The following HACE1 variants were observed in gnomAD, a reference collection of about 807,000 sequenced individuals.
The protein encoded by HACE1 is HECT domain and ankyrin repeat containing E3 ubiquitin protein ligase 1, also known as E3 ubiquitin-protein ligase HACE1.
HACE1 carries 73 observed loss-of-function variants against 118.4 expected under a neutral mutation model. The ratio of observed to expected loss-of-function variants is 0.62; its 90% CI spans 0.51 to 0.75. HACE1 has a LOEUF of 0.75. Among genes scored for constraint, HACE1 ranks in the 30% least tolerant of loss-of-function variants. The probability of loss-of-function intolerance (pLI) is 0.00; values close to 1 mark genes in which losing one functional copy is unlikely to be tolerated. For synonymous variants in HACE1, 368 were observed against 374.8 expected, an observed-to-expected ratio of 0.98 and a Z score of 0.21; for missense variants, 749 against 1,102.2, an observed-to-expected ratio of 0.68 and a Z score of 4.54.
At chr6:104,844,654 A>C in intron 4 of HACE1, among the ~76,000 whole-genome samples, 1 of 132,550 alleles carries the variant, frequency 7.5e-6, no homozygotes. Flanking sequence ...CCCAGCCTCC[A>C]TCACAACCTT....
intron 19 of HACE1, among the ~76,000 whole-genome samples, chr6:104,763,559 A>G (rs1425716992): frequency 1.3e-5 from 2 of 151,624 alleles, no homozygotes; most frequent in Non-Finnish European, 2.9e-5. Flanking sequence ...ATAAGCAACC[A>G]TTTTCTTACA....
intron 5 of HACE1, among the ~76,000 whole-genome samples, chr6:104,833,580 A>G (rs1353529817): frequency 2.6e-5 from 4 of 152,182 alleles, no homozygotes; most frequent in African/African-American, 9.6e-5. Flanking sequence ...GTGGTGACTC[A>G]CGTTTGTAAT....
intron 7 of HACE1, among the ~76,000 whole-genome samples, chr6:104,799,961 G>C (rs986238675): frequency 1.2e-4 from 18 of 152,014 alleles, no homozygotes; most frequent in Non-Finnish European, 2.4e-4. Flanking sequence ...TCCTAGCCAA[G>C]GGAAGCCGTG....
At chr6:104,731,255 T>C (rs560931948) in intron 22 of HACE1, 2 of 152,170 alleles carry the variant, frequency 1.3e-5, no homozygotes, top group South Asian at 2.1e-4. Context: ...TTGGATAAAT[T>C]AGAAAAATGA....
intron 2 of HACE1, among the ~76,000 whole-genome samples, chr6:104,852,013 T>C (rs1776256005): frequency 6.6e-6 from 1 of 152,206 alleles, no homozygotes. Flanking sequence ...AAAGAAATCA[T>C]GACAATGTAT....
At chr6:104,736,002 A>G (rs897718429) in intron 22 of HACE1, among the ~76,000 whole-genome samples, 3 of 151,950 alleles carry the variant, frequency 2.0e-5, no homozygotes, top group Non-Finnish European at 4.4e-5. Context: ...TAAAAATTGT[A>G]TATGTGTTAA....
chr6:104,785,411 A>C (rs1311259148), intron 11 of HACE1, 92 bp from the exon 12 acceptor site: 2 of 760,904 alleles, frequency 2.6e-6, no homozygotes, highest in Admixed American at 4.7e-5. Flanking sequence ...ATATTATAGA[A>C]GAGAAAATTT....
rs1345471432 is a variant in HACE1, at chr6:104,750,475, GT to G, written c.2212-4del. ...GTAACAAGCTGGACGTACTCCGCCT[GT>G]TGAAAAAGAAGTTTTCATGATGACT... On this transcript the variant is annotated splice_polypyrimidine_tract_variant and splice_region_variant and intron_variant, in intron 19 of 23. Transcript: ENST00000262903. 1 of 1,612,968 alleles carries G rather than the reference GT, an allele frequency of 6.2e-7. No homozygotes were observed. Among genetic ancestry groups the G allele is most frequent in the Admixed American group, 1.7e-5 (1 of 59,964 alleles).
At chr6:104,757,813 A>G (rs1778891631) in intron 19 of HACE1, among the ~76,000 whole-genome samples, 1 of 152,178 alleles carries the variant, frequency 6.6e-6, no homozygotes, top group Non-Finnish European at 1.5e-5. Context: ...AGGTTAAACG[A>G]ATGGCTAACT....
intron 11 of HACE1, among the ~76,000 whole-genome samples, chr6:104,790,138 T>A (rs1460277261): frequency 6.6e-6 from 1 of 151,774 alleles, no homozygotes; most frequent in Non-Finnish European, 1.5e-5. Flanking sequence ...GGCTAAAAAC[T>A]GTCCTTCCTA....
chr6:104,822,384 GAA>G (rs751726472), intron 6 of HACE1, among the ~76,000 whole-genome samples: 5 of 91,498 alleles, frequency 5.5e-5, no homozygotes, highest in Admixed American at 1.2e-4. Context: ...CTCCATCTCA[GAA>G]AAAAAAAAAA....
chr6:104,756,664 G>A (rs887018490), intron 19 of HACE1, among the ~76,000 whole-genome samples: 4 of 152,040 alleles, frequency 2.6e-5, no homozygotes, highest in African/African-American at 9.7e-5. Flanking sequence ...TTCCAACTGA[G>A]GTGACTGGTT....
intron 22 of HACE1, among the ~76,000 whole-genome samples, chr6:104,737,636 C>T (rs1410245068): frequency 5.3e-5 from 8 of 152,322 alleles, no homozygotes; most frequent in East Asian, 1.9e-4. Context: ...TAAAAAACGG[C>T]GCACCACGAG....
chr6:104,773,943 CAAT>C (rs1467067395), intron 17 of HACE1, among the ~76,000 whole-genome samples: 19 of 151,804 alleles, frequency 1.3e-4, no homozygotes, highest in Non-Finnish European at 2.5e-4. Flanking sequence ...TCCTAGTATA[CAAT>C]AATATCATTT....
At chr6:104,735,974 TAAC>T (rs1225740155) in intron 22 of HACE1, among the ~76,000 whole-genome samples, 3 of 151,888 alleles carry the variant, frequency 2.0e-5, no homozygotes, top group African/African-American at 7.2e-5. Flanking sequence ...AGTTATAAAA[TAAC>T]AATAGTTTTA....
chr6:104,826,238 C>T (rs988377052), intron 6 of HACE1, among the ~76,000 whole-genome samples: 24 of 152,114 alleles, frequency 1.6e-4, no homozygotes, highest in African/African-American at 5.1e-4. Context: ...AGGTTAGAGA[C>T]CACTGCTCTA....
chr6:104,772,934 C>T (rs1174139699), intron 17 of HACE1, among the ~76,000 whole-genome samples: 5 of 151,444 alleles, frequency 3.3e-5, no homozygotes, highest in East Asian at 3.9e-4. Flanking sequence ...AGATAGTGGC[C>T]GATGGTTGCA....
In HACE1 at chr6:104,784,471, C is replaced by T. The variant is rs772414060; in HGVS notation, c.1424G>A (p.Arg475His). The T allele has an allele frequency of 3.8e-5, 61 of 1,610,960 alleles. No individual in the cohort carries two copies. The East Asian group carries it at 5.8e-4, about 15-fold the overall frequency. The change falls in exon 13 of 24, where the codon CGT becomes CAT. Residue 475 changes from arginine to histidine, a missense_variant. Physicochemically the swap from Arg to His is conservative, Grantham distance 29. Around this residue, in one of 5 missense-constraint regions of HACE1, gnomAD observed 195 missense variants for 322.1 expected, o/e 0.61. Coordinates refer to ENST00000262903, the MANE Select transcript of HACE1 (RefSeq NM_020771.4). The stretch of plus-strand genomic sequence containing the variant: ...ATGTTTGCAGACAAATTCAATGAAA[C>T]GAGGTGAAGTCATTCTGTGGGGGGA... ...CQMPPGMTSP[R>H]FIEFVCKHDE...
At chr6:104,759,029 C>T (rs928397928) in intron 19 of HACE1, among the ~76,000 whole-genome samples, 3 of 152,150 alleles carry the variant, frequency 2.0e-5, no homozygotes, top group Non-Finnish European at 4.4e-5. Flanking sequence ...GCACCCAATA[C>T]AGGAGAACCC....
Sources: gnomAD v4.1 joint callset for allele counts (sites outside exome capture counted in the v4.1 genomes callset) on GRCh38, gnomAD v4.1.1 for gene constraint, gnomAD v4.1.1 regional missense constraint, MANE v1.5 for transcripts, NCBI Gene and HGNC (gene_info 2026-07-23, HGNC 2026-07-21) for gene names.